The following CNPPD1 variants were observed in gnomAD, a reference collection of about 807,000 sequenced individuals.
CNPPD1 encodes protein CNPPD1.
In CNPPD1, 40 loss-of-function variants were observed where a neutral mutation model predicts 43.7. The observed-to-expected ratio is 0.92, with a 90% CI of 0.71 to 1.19. The LOEUF (loss-of-function observed/expected upper bound fraction) is 1.19. CNPPD1 is among the 50% of genes most tolerant of loss of function. CNPPD1 has a pLI of 0.00. For missense variants in CNPPD1, 511 were observed against 518.5 expected, an observed-to-expected ratio of 0.99 and a Z score of 0.14; for synonymous variants, 208 against 214.3, an observed-to-expected ratio of 0.97 and a Z score of 0.26.
upstream of CNPPD1, chr2:219,178,036 A>C (rs1950205324): frequency 5.9e-6 from 1 of 168,574 alleles, no homozygotes. Context: ...CGCCCTGCCT[A>C]CTGTGGGATA....
Position 219,172,782 on chromosome 2 carries a change from G to C in CNPPD1, c.1037C>G (p.Ser346Cys). ...CHLCQKLQRD[S>C]PTCHACLHPN... is the part of the protein sequence containing the mutation. ...GTGGAGGCAGGCATGGCAGGTTGGG[G>C]AGTCTCTCTGGAGCTTCTGGCAAAG... The change falls in exon 8 of 8, where the codon TCC (serine) becomes TGC (cysteine). Residue 346 changes from serine to cysteine, a missense_variant. Physicochemically the swap from Ser to Cys is moderately radical, Grantham distance 112. Transcript: ENST00000360507. The C allele has an allele frequency of 6.2e-7, 1 of 1,607,508 alleles. No individual in the cohort carries two copies. The highest frequency in any genetic ancestry group is 8.5e-7 in the Non-Finnish European group (1 of 1,176,678).
Position 219,172,951 on chromosome 2 carries a change from G to A in CNPPD1, c.868C>T (p.Pro290Ser), listed in dbSNP as rs1262287332. The change falls in exon 8 of 8, where the codon CCG becomes TCG. Residue 290 changes from proline (P) to serine (S), a missense_variant. Transcript: ENST00000360507. Reference sequence around the variant, plus strand: ...CAGCTGGAGACATTAGCGAGAGACGGCAGGCATTGTGGCACAGAAGGTATG... The same window carrying A: ...CAGCTGGAGACATTAGCGAGAGACGACAGGCATTGTGGCACAGAAGGTATG... ...PCIPSVPQCL[P>S]SLANVSSCLE... The A allele has an allele frequency of 1.9e-6, 3 of 1,613,986 alleles. No individual in the cohort carries two copies. Among genetic ancestry groups the A allele is most frequent in the Non-Finnish European group, 1.7e-6 (2 of 1,179,954 alleles).
In CNPPD1 at chr2:219,175,662, G is replaced by A. The variant is rs1450767249; in HGVS notation, c.189C>T (p.Val63=). 2.5e-6 allele frequency: 4 copies of A among 1,613,704 alleles called. 1 individual carries two copies. Among genetic ancestry groups the A allele is most frequent in the Middle Eastern group, 3.3e-4 (2 of 6,084 alleles). Residue 63 remains valine (V), a synonymous_variant, in exon 3 of 8, where the codon GTC becomes GTT. Coordinates refer to ENST00000360507, the MANE Select transcript of CNPPD1 (RefSeq NM_015680.6). ...TGGGGGCTGCCTTCTGGAGCAGTTC[G>A]ACAGCAATGTCTGCAAGGGACAGAA... The part of the protein sequence containing the change: ...ELSSPVADIA[V]ELLQKAAPSP...
chr2:219,175,887 TG>T (rs1195771716), intron 2 of CNPPD1, among the ~76,000 whole-genome samples: 1 of 152,246 alleles, frequency 6.6e-6, no homozygotes, highest in African/African-American at 2.4e-5. Context: ...CTTATTGCCC[TG>T]TCACATCAAA....
At chr2:219,175,991 G>A (rs548781590) in intron 2 of CNPPD1, among the ~76,000 whole-genome samples, 14 of 152,184 alleles carry the variant, frequency 9.2e-5, no homozygotes, top group Admixed American at 2.0e-4. Context: ...TCGAAAATTA[G>A]CTTTTCAATA....
At position 219,174,897 on chromosome 2, in the gene CNPPD1, T is replaced by G. The variant is rs1227672652; in HGVS notation, c.391A>C (p.Ser131Arg). 6.2e-7 allele frequency: 1 copy of G among 1,614,166 alleles called. No homozygotes were observed. The highest frequency in any genetic ancestry group is 8.5e-7 in the Non-Finnish European group (1 of 1,180,038). ...DLFLISMMVA[S>R]KYLYDEGEEE... ...TCCCCTTCATCATAGAGGTACTTACTGGCCACCATCTGCAGAGGAACCAGA... is the reference window on the plus strand; with the variant it reads ...TCCCCTTCATCATAGAGGTACTTACGGGCCACCATCTGCAGAGGAACCAGA... The change falls in exon 5 of 8, where the codon AGT becomes CGT. Residue 131 changes from serine to arginine, a missense_variant. Ser to Arg is a moderately radical substitution (Grantham distance 110). Transcript: ENST00000360507.
In CNPPD1 at chr2:219,176,834, C is replaced by T. The variant is rs1302418970; in HGVS notation, c.-6G>A. Reference sequence around the variant, plus strand: ...AGGAGCCCGGTCAGGTCCATCGCGCCGCCAGTCGCCGCCCTGCGAAGGTGA... The same window carrying T: ...AGGAGCCCGGTCAGGTCCATCGCGCTGCCAGTCGCCGCCCTGCGAAGGTGA... On this transcript the variant is annotated 5_prime_UTR_variant, in exon 1 of 8. Coordinates refer to ENST00000360507, the MANE Select transcript of CNPPD1 (RefSeq NM_015680.6). 1 of 1,567,390 alleles carries T rather than the reference C, an allele frequency of 6.4e-7. No homozygotes were observed. Among genetic ancestry groups the T allele is most frequent in the Non-Finnish European group, 8.6e-7 (1 of 1,156,652 alleles).
chr2:219,174,500 A>C (rs1574770936), intron 5 of CNPPD1, among the ~76,000 whole-genome samples: 1 of 152,214 alleles, frequency 6.6e-6, no homozygotes, highest in East Asian at 1.9e-4. Flanking sequence ...ACAAATATTC[A>C]GAACCCAATA....
At chr2:219,175,899 C>T (rs1435628443) in intron 2 of CNPPD1, among the ~76,000 whole-genome samples, 1 of 152,248 alleles carries the variant, frequency 6.6e-6, no homozygotes, top group Non-Finnish European at 1.5e-5. Context: ...TCACATCAAA[C>T]TATCCAGATT....
chr2:219,173,001 G>A lies in CNPPD1; in HGVS notation c.818C>T (p.Thr273Ile), dbSNP rs2106384621. 3.1e-6 allele frequency: 5 copies of A among 1,613,820 alleles called. No individual in the cohort carries two copies. The East Asian group carries it at 1.1e-4, about 36-fold the overall frequency. Residue 273 changes from threonine (T) to isoleucine (I), a missense_variant, in exon 8 of 8, where the codon ACC becomes ATC. Thr to Ile is a moderately conservative substitution (Grantham distance 89, BLOSUM62 -1). Coordinates refer to ENST00000360507, the MANE Select transcript of CNPPD1 (RefSeq NM_015680.6). Reference protein sequence around the residue: ...PTPGPPDLGLTSRCLLEPCIP... With the variant: ...PTPGPPDLGLISRCLLEPCIP... ...GCAGGGCTCCAGGAGGCAACGGGAG[G>A]TCAGTCCAAGGTCAGGCGGCCCAGG... is the stretch of plus-strand genomic sequence containing the variant.
At chr2:219,175,354 A>AGGGGCG (rs201301978) in intron 3 of CNPPD1, among the ~76,000 whole-genome samples, 1,668 of 152,082 alleles carry the variant, frequency 0.011, 10 homozygotes, top group African/African-American at 0.021. Context: ...AAAATTAGCC[A>AGGGGCG]GGGGCGGTGG....
rs2106387473 is a variant in CNPPD1 at position 219,175,001 on chromosome 2, A to C, written c.368T>G (p.Phe123Cys). The stretch of plus-strand genomic sequence containing the variant: ...GGGGTGTCTTACCATGGAGATCAGG[A>C]ACAAGTCAGAGGATGACACATGCTG... ...YLQHVSSSDL[F>C]LISMMVASKY... is the part of the protein sequence containing the mutation. The change falls in exon 4 of 8, where the codon TTC (phenylalanine) becomes TGC (cysteine). Residue 123 changes from phenylalanine (F) to cysteine (C), a missense_variant. Physicochemically the swap from Phe to Cys is radical, Grantham distance 205 (BLOSUM62 -2). Transcript: ENST00000360507. 1.9e-6 allele frequency: 3 copies of C among 1,614,074 alleles called. No homozygotes were observed. Among genetic ancestry groups the C allele is most frequent in the Non-Finnish European group, 8.5e-7 (1 of 1,180,018 alleles).
Position 219,175,661 on chromosome 2 carries a change from C to A in CNPPD1, c.190G>T (p.Glu64Ter), listed in dbSNP as rs773704071. 3 of 1,613,796 alleles carry A rather than the reference C, an allele frequency of 1.9e-6. No individual in the cohort carries two copies. The highest frequency in any genetic ancestry group is 2.5e-6 in the Non-Finnish European group (3 of 1,179,918). Residue 64 changes from glutamate to a stop codon, truncating the protein, a stop_gained, in exon 3 of 8, where the codon GAA (glutamate) becomes TAA (stop). Transcript: ENST00000360507. LOFTEE classifies it high-confidence loss of function. The stretch of plus-strand genomic sequence containing the variant: ...CTGGGGGCTGCCTTCTGGAGCAGTT[C>A]GACAGCAATGTCTGCAAGGGACAGA... ...LSSPVADIAV[E>*]LLQKAAPSPI...
In CNPPD1 at chr2:219,175,663, A is replaced by G. The variant is rs1196491021; in HGVS notation, c.188T>C (p.Val63Ala). 1 of 1,614,010 alleles carries G rather than the reference A, an allele frequency of 6.2e-7. No homozygotes were observed. Among genetic ancestry groups the G allele is most frequent in the East Asian group, 2.2e-5 (1 of 44,880 alleles). Residue 63 changes from valine (V) to alanine (A), a missense_variant, in exon 3 of 8, where the codon GTC (valine) becomes GCC (alanine). Val to Ala is a moderately conservative substitution (Grantham distance 64, BLOSUM62 0). Coordinates refer to ENST00000360507, the MANE Select transcript of CNPPD1 (RefSeq NM_015680.6). ...ELSSPVADIAVELLQKAAPSP... is the reference protein window; with the variant it reads ...ELSSPVADIAAELLQKAAPSP... ...GGGGGCTGCCTTCTGGAGCAGTTCG[A>G]CAGCAATGTCTGCAAGGGACAGAAG... is the stretch of plus-strand genomic sequence containing the variant.
At position 219,172,487 on chromosome 2, in the gene CNPPD1, C is replaced by T. The variant is rs1950085766; in HGVS notation, c.*99G>A. On this transcript the variant is annotated 3_prime_UTR_variant, in exon 8 of 8. Transcript: ENST00000360507. The stretch of plus-strand genomic sequence containing the variant: ...CCCACCCAGGAGGACAGGGGACCTG[C>T]CAAGGACCCAGCGAGGCAGACAGGA... 1 of 1,322,176 alleles carries T rather than the reference C, an allele frequency of 7.6e-7. No homozygotes were observed. The highest frequency in any genetic ancestry group is 1.1e-6 in the Non-Finnish European group (1 of 927,996). 81.9% of individuals were successfully genotyped at this position (1,322,176 alleles called of 1,614,324 possible).
chr2:219,175,849 C>T (rs537459150), intron 2 of CNPPD1, among the ~76,000 whole-genome samples, 177 bp from the exon 3 acceptor site: 2 of 152,292 alleles, frequency 1.3e-5, no homozygotes, highest in Admixed American at 1.3e-4. Flanking sequence ...ATTCCAAGTT[C>T]GAATTTCAGC....
In CNPPD1 at chr2:219,173,068, C is replaced by A. The variant is rs761296410; in HGVS notation, c.751G>T (p.Ala251Ser). Residue 251 changes from alanine to serine, a missense_variant, in exon 8 of 8, where the codon GCC (alanine) becomes TCC (serine). Coordinates refer to ENST00000360507, the MANE Select transcript of CNPPD1 (RefSeq NM_015680.6). ...SSVALAVASVAVIHQSLGLSC... is the reference protein window; with the variant it reads ...SSVALAVASVSVIHQSLGLSC... ...AGCCCCAAAGACTGATGTATTACGG[C>A]CACCGATGCCACAGCCAGGGCCACA... The A allele has an allele frequency of 6.2e-7, 1 of 1,608,954 alleles. No individual in the cohort carries two copies. Among genetic ancestry groups the A allele is most frequent in the South Asian group, 1.1e-5 (1 of 90,942 alleles).
chr2:219,173,805 G>A (rs2106385915), intron 6 of CNPPD1, among the ~76,000 whole-genome samples: 2 of 152,116 alleles, frequency 1.3e-5, no homozygotes, highest in South Asian at 4.1e-4. Flanking sequence ...ACTGCATCTG[G>A]CTAGTATTTT....
chr2:219,176,936 G>C, upstream of CNPPD1: 2 of 978,798 alleles, frequency 2.0e-6, no homozygotes, highest in East Asian at 3.0e-5. Context: ...GCCTCCCCGG[G>C]GCGGGCCGCC....
Sources: allele counts gnomAD v4.1 joint callset (sites outside exome capture counted in the v4.1 genomes callset), GRCh38; gene constraint gnomAD v4.1.1; transcripts MANE v1.5; gene names NCBI Gene and HGNC (gene_info 2026-07-23, HGNC 2026-07-21).